LONP2: variants seen among roughly 807,000 people sequenced by gnomAD.
The protein encoded by LONP2 is lon peptidase 2, peroxisomal.
A neutral mutation model predicts 85.6 loss-of-function variants in LONP2; 60 were observed. The ratio of observed to expected loss-of-function variants is 0.70; its 90% CI spans 0.57 to 0.87. The LOEUF (loss-of-function observed/expected upper bound fraction) is 0.87. LONP2 is among the 40% of genes least tolerant of loss of function. The probability of loss-of-function intolerance (pLI) is 0.00; values close to 1 mark genes in which losing one functional copy is unlikely to be tolerated. For synonymous variants in LONP2, 395 were observed against 389.7 expected, an observed-to-expected ratio of 1.01 and a Z score of -0.16; for missense variants, 860 against 1,063.5, an observed-to-expected ratio of 0.81 and a Z score of 2.66.
downstream of LONP2, chr16:48,361,417 T>C (rs1418827214): frequency 4.7e-6 from 3 of 642,040 alleles, no homozygotes; most frequent in Non-Finnish European, 5.4e-6. Flanking sequence ...TTAGTGTTAC[T>C]ACATGCAACT....
chr16:48,302,901 A>G (rs749053382), intron 10 of LONP2, among the ~76,000 whole-genome samples: 24 of 152,364 alleles, frequency 1.6e-4, no homozygotes, highest in Non-Finnish European at 7.3e-5. Flanking sequence ...TACTTTGGCA[A>G]TGTAAATTGA....
chr16:48,331,946 T>A (rs768014596), intron 11 of LONP2, among the ~76,000 whole-genome samples: 2 of 152,222 alleles, frequency 1.3e-5, no homozygotes, highest in Non-Finnish European at 2.9e-5. Flanking sequence ...TAATTTGCTG[T>A]TAAATAGCCA....
rs373589131 is a variant in LONP2 at position 48,266,713 on chromosome 16, A to G, written c.983-3303A>G. On this transcript the variant is annotated intron_variant, in intron 6 of 14. Coordinates refer to ENST00000285737, the MANE Select transcript of LONP2 (RefSeq NM_031490.5). ...TGTTTCTTTTTATTGCTGGAGTTGT[A>G]TTCTGTTGTATGGATATACCATCAT... is the stretch of plus-strand genomic sequence containing the variant. Among the ~76,000 whole-genome samples the G allele has an allele frequency of 1.4e-3, 211 of 152,146 alleles. 1 individual carries two copies. Among genetic ancestry groups the G allele is most frequent in the African/African-American group, 4.9e-3 (204 of 41,522 alleles).
chr16:48,332,495 T>G (rs1959485265), intron 11 of LONP2, among the ~76,000 whole-genome samples: 1 of 152,088 alleles, frequency 6.6e-6, no homozygotes, highest in African/African-American at 2.4e-5. Context: ...GCGGATCACC[T>G]GAGGTCAGGA....
At chr16:48,348,363 G>T in intron 14 of LONP2, 73 bp downstream of exon 14, 1 of 993,716 alleles carries the variant, frequency 1.0e-6, no homozygotes, top group South Asian at 3.8e-5. Context: ...TTTTAAATAC[G>T]GGTTTGCCTT....
At chr16:48,320,768 A>G (rs893243405) in intron 11 of LONP2, among the ~76,000 whole-genome samples, 1 of 152,220 alleles carries the variant, frequency 6.6e-6, no homozygotes, top group Non-Finnish European at 1.5e-5. Flanking sequence ...GGCCTGGTTT[A>G]AGAGAGACTT....
intron 6 of LONP2, among the ~76,000 whole-genome samples, chr16:48,266,805 A>G (rs1971999102): frequency 6.6e-6 from 1 of 152,118 alleles, no homozygotes; most frequent in Admixed American, 6.5e-5. Context: ...TTAAAAATAA[A>G]GCTGTCTGGG....
chr16:48,355,812 T>A lies in LONP2; in HGVS notation c.*4010T>A, dbSNP rs1347370625. 2 of 152,242 alleles carry A rather than the reference T, an allele frequency of 1.3e-5. No individual in the cohort carries two copies. Among genetic ancestry groups the A allele is most frequent in the South Asian group, 2.1e-4 (1 of 4,830 alleles). 9.4% of individuals were successfully genotyped at this position (152,242 alleles called of 1,614,324 possible). ...AAAGACCCCTTGTATCAAAATAAGC[T>A]GGATTTTTTTATTGAAAATTATTAA... On this transcript the variant is annotated 3_prime_UTR_variant, in exon 15 of 15. Coordinates refer to ENST00000285737, the MANE Select transcript of LONP2 (RefSeq NM_031490.5).
intron 1 of LONP2, among the ~76,000 whole-genome samples, chr16:48,248,209 C>T (rs1464986389): frequency 1.3e-5 from 2 of 151,958 alleles, no homozygotes. Context: ...GCAACCTTTG[C>T]CTCCCAGGTT....
chr16:48,254,297 A>G (rs1971711958), intron 2 of LONP2, among the ~76,000 whole-genome samples: 2 of 151,826 alleles, frequency 1.3e-5, no homozygotes, highest in African/African-American at 4.8e-5. Context: ...ACAGCTTCAC[A>G]TTGAGTTATT....
chr16:48,244,957 C>T (rs2150951729), intron 1 of LONP2, among the ~76,000 whole-genome samples: 1 of 152,294 alleles, frequency 6.6e-6, no homozygotes, highest in East Asian at 1.9e-4. Context: ...CTTTCCAGGC[C>T]CTTTCTTTCT....
At chr16:48,304,910 T>C (rs535671445) in intron 11 of LONP2, among the ~76,000 whole-genome samples, 65 of 152,272 alleles carry the variant, frequency 4.3e-4, no homozygotes, top group African/African-American at 1.5e-3. Flanking sequence ...CAGAAAGGAG[T>C]TGGATGACTG....
chr16:48,251,589 T>A (rs563661715), intron 1 of LONP2, among the ~76,000 whole-genome samples: 15 of 152,306 alleles, frequency 9.8e-5, no homozygotes, highest in African/African-American at 3.1e-4. Flanking sequence ...AAATTCAGTG[T>A]TAAGGGCATA....
At chr16:48,335,066 A>G (rs1247033507) in intron 12 of LONP2, among the ~76,000 whole-genome samples, 1 of 152,192 alleles carries the variant, frequency 6.6e-6, no homozygotes, top group African/African-American at 2.4e-5. Context: ...GATCCCAGCC[A>G]TATCCTCTTT....
At chr16:48,286,282 C>T (rs928124957) in intron 8 of LONP2, among the ~76,000 whole-genome samples, 1 of 151,726 alleles carries the variant, frequency 6.6e-6, no homozygotes, top group Non-Finnish European at 1.5e-5. Flanking sequence ...GCTGGGACTA[C>T]AGGTGCCTGC....
Position 48,334,339 on chromosome 16 carries a change from C to T in LONP2, c.1919C>T (p.Pro640Leu). The change falls in exon 12 of 15, where the codon CCC (proline) becomes CTC (leucine). Residue 640 changes from proline (P) to leucine (L), a missense_variant. Physicochemically the swap from Pro to Leu is moderately conservative, Grantham distance 98. Transcript: ENST00000285737. ...CATGCTCTGAAAGACATCCTTGGGCCCCCGATGTATGAAATGGAGGTGATT... is the reference window on the plus strand; with the variant it reads ...CATGCTCTGAAAGACATCCTTGGGCTCCCGATGTATGAAATGGAGGTGATT... Reference protein sequence around the residue: ...DFHALKDILGPPMYEMEVSQR... With the variant: ...DFHALKDILGLPMYEMEVSQR... The T allele has an allele frequency of 6.2e-7, 1 of 1,614,144 alleles. No individual in the cohort carries two copies. The highest frequency in any genetic ancestry group is 8.5e-7 in the Non-Finnish European group (1 of 1,180,034).
rs1972648019 is a variant in LONP2, at chr16:48,295,410, C to T, written c.1384-605C>T. On this transcript the variant is annotated intron_variant, in intron 8 of 14. Coordinates refer to ENST00000285737, the MANE Select transcript of LONP2 (RefSeq NM_031490.5). ...TTATTGATGTTTTGCTTATTATAAG[C>T]AGCAATGTTTTGTAGTAAGCCATTT... is the stretch of plus-strand genomic sequence containing the variant. Among the ~76,000 whole-genome samples, 4 of 152,140 alleles carry T rather than the reference C, an allele frequency of 2.6e-5. No individual in the cohort carries two copies. In the South Asian group the frequency reaches 8.3e-4, roughly 32 times the overall value.
chr16:48,283,470 T>C (rs1332613092), intron 8 of LONP2, among the ~76,000 whole-genome samples: 1 of 152,150 alleles, frequency 6.6e-6, no homozygotes, highest in Non-Finnish European at 1.5e-5. Context: ...ATGAAGCCAG[T>C]GCTCATTGAC....
At chr16:48,299,376 G>A (rs939962507) in intron 9 of LONP2, among the ~76,000 whole-genome samples, 3 of 151,822 alleles carry the variant, frequency 2.0e-5, no homozygotes, top group Admixed American at 2.0e-4. Flanking sequence ...CTTGAGGCCA[G>A]GAGTTTGAGA....
Sources: gnomAD v4.1 joint callset for allele counts (sites outside exome capture counted in the v4.1 genomes callset) on GRCh38, gnomAD v4.1.1 for gene constraint, MANE v1.5 for transcripts, NCBI Gene and HGNC (gene_info 2026-07-23, HGNC 2026-07-21) for gene names.